TFIP11: variants seen among roughly 807,000 people sequenced by gnomAD.
The protein encoded by TFIP11 is tuftelin interacting protein 11, also known as tuftelin-interacting protein 11.
Under a neutral mutation model 96.8 loss-of-function variants are expected in TFIP11, and 86 were observed. The ratio of observed to expected loss-of-function variants is 0.89; its 90% confidence interval spans 0.75 to 1.06. TFIP11 has a LOEUF of 1.06. Among genes scored for constraint, TFIP11 ranks in the 50% least tolerant of loss-of-function variants. The probability of loss-of-function intolerance (pLI) is 0.00; values close to 1 mark genes in which losing one functional copy is unlikely to be tolerated. For synonymous variants in TFIP11, 405 were observed against 395.2 expected, an observed-to-expected ratio of 1.02 and a Z score of -0.29; for missense variants, 881 against 1,076.7, an observed-to-expected ratio of 0.82 and a Z score of 2.54.
At chr22:26,498,702 T>TA (rs200618512) in intron 10 of TFIP11, 167 bp downstream of exon 10, 9,033 of 466,100 alleles carry the variant, frequency 0.019, no homozygotes, top group Middle Eastern at 0.028. Flanking sequence ...TCAAAAAAAT[T>TA]AAAAAAAAAA....
chr22:26,504,606 A>G (rs886882040), intron 6 of TFIP11, among the ~76,000 whole-genome samples: 5 of 152,140 alleles, frequency 3.3e-5, no homozygotes, highest in African/African-American at 1.2e-4. Context: ...TTGAGGCTGC[A>G]GTGAGCTATG....
Position 26,491,528 on chromosome 22 carries a change from T to TA in TFIP11, c.*484dup, listed in dbSNP as rs1454157287. The TA allele has an allele frequency of 1.9e-6, 3 of 1,614,182 alleles. No homozygotes were observed. The highest frequency in any genetic ancestry group is 1.3e-5 in the African/African-American group (1 of 75,062). ...CACAATACATGGACATATTTAATGA[T>TA]ACCTCTGTCCACTGGTTCCCTGTGC... On this transcript the variant is annotated 3_prime_UTR_variant, in exon 15 of 15. Coordinates refer to ENST00000407690, the MANE Select transcript of TFIP11 (RefSeq NM_012143.4).
chr22:26,499,664 C>T (rs370407561), intron 8 of TFIP11, 33 bp from the exon 9 acceptor site: 120 of 1,570,634 alleles, frequency 7.6e-5, no homozygotes, highest in South Asian at 4.6e-4. Context: ...AGGTTAACAC[C>T]GCTGCAGCCC....
intron 2 of TFIP11, chr22:26,511,614 C>A (rs1202134166): frequency 1.3e-5 from 2 of 152,184 alleles, no homozygotes; most frequent in African/African-American, 4.8e-5. Flanking sequence ...TAAATATGCA[C>A]GTGAAGCGCC....
In TFIP11 at chr22:26,495,491, T is replaced by C. The variant is rs1011899718; in HGVS notation, c.1850-552A>G. 1.4e-4 allele frequency among the ~76,000 whole-genome samples: 21 copies of C among 151,436 alleles called. 1 individual carries two copies. Among genetic ancestry groups the C allele is most frequent in the South Asian group, 4.2e-4 (2 of 4,802 alleles). Reference sequence around the variant, plus strand: ...GGGTTTCACCATGTTGCTCAGGCTGTAATCTGCTTTTAAAGGTCAAATTTA... The same window carrying C: ...GGGTTTCACCATGTTGCTCAGGCTGCAATCTGCTTTTAAAGGTCAAATTTA... On this transcript the variant is annotated intron_variant, in intron 12 of 14. Transcript: ENST00000407690.
In TFIP11 at chr22:26,492,178, C is replaced by T. The variant is rs1032637543; in HGVS notation, c.2349G>A (p.Glu783=). 1.2e-6 allele frequency: 2 copies of T among 1,614,118 alleles called. No individual in the cohort carries two copies. The highest frequency in any genetic ancestry group is 1.3e-5 in the African/African-American group (1 of 74,950). The part of the protein sequence containing the change: ...FKDLIETKAE[E]HNIVFMPVIG... ...TGACGGGCATGAAGACAATGTTGTG[C>T]TCCTCAGCCTTGGTCTCAATGAGGT... Residue 783 remains glutamate (E), a synonymous_variant, in exon 15 of 15, where the codon GAG becomes GAA. Transcript: ENST00000407690.
At position 26,491,384 on chromosome 22, in the gene TFIP11, G is replaced by A. The variant is rs1218550065; in HGVS notation, c.*629C>T. The A allele has an allele frequency of 7.8e-6, 9 of 1,156,968 alleles. No homozygotes were observed. The highest frequency in any genetic ancestry group is 7.0e-5 in the East Asian group (3 of 42,598). The allele number at this position is 1,156,968 out of a possible 1,614,324, so 71.7% of individuals were successfully genotyped here. ...TTAAAAAGTAAAGTGGGGATGACAA[G>A]TAAAGTGGAAATTTATCCCAGAAGA... is the stretch of plus-strand genomic sequence containing the variant. On this transcript the variant is annotated 3_prime_UTR_variant, in exon 15 of 15. Transcript: ENST00000407690.
chr22:26,503,379 T>C (rs1923020528), intron 7 of TFIP11, among the ~76,000 whole-genome samples: 1 of 152,206 alleles, frequency 6.6e-6, no homozygotes. Context: ...GACCAGCCTA[T>C]TTATAAAAGT....
At chr22:26,500,254 C>G (rs188482655) in intron 8 of TFIP11, among the ~76,000 whole-genome samples, 62 of 152,268 alleles carry the variant, frequency 4.1e-4, no homozygotes, top group African/African-American at 1.4e-3. Context: ...ACTGCAAGCT[C>G]CGCCTCCTGG....
At chr22:26,501,105 TCTC>T (rs1429486168) in intron 8 of TFIP11, among the ~76,000 whole-genome samples, 4 of 152,062 alleles carry the variant, frequency 2.6e-5, no homozygotes, top group Non-Finnish European at 5.9e-5. Context: ...ACGGTCTCGA[TCTC>T]CTGACCTTGT....
At chr22:26,502,092 C>T (rs757815045) in intron 7 of TFIP11, 40 bp from the exon 8 acceptor site, 21 of 1,613,162 alleles carry the variant, frequency 1.3e-5, no homozygotes, top group Non-Finnish European at 1.8e-5. Flanking sequence ...CAAGGAACAA[C>T]CACTTTTTAC....
In TFIP11 at chr22:26,494,234, G is replaced by A. The variant is rs149764032; in HGVS notation, c.2063C>T (p.Ser688Leu). The A allele has an allele frequency of 4.3e-6, 7 of 1,614,042 alleles. No individual in the cohort carries two copies. Among genetic ancestry groups the A allele is most frequent in the South Asian group, 1.1e-5 (1 of 91,076 alleles). Residue 688 changes from serine to leucine, a missense_variant, in exon 14 of 15, where the codon TCG becomes TTG. Ser to Leu is a moderately radical substitution (Grantham distance 145, BLOSUM62 -2). Coordinates refer to ENST00000407690, the MANE Select transcript of TFIP11 (RefSeq NM_012143.4). ...EITKWYLGWK[S>L]MFSDQVLAHP... ...TGCCAGCACTTGGTCTGAGAACATCGACTTCCAACCCAGGTACCACTTGGT... is the reference window on the plus strand; with the variant it reads ...TGCCAGCACTTGGTCTGAGAACATCAACTTCCAACCCAGGTACCACTTGGT...
Position 26,499,531 on chromosome 22 carries a change from T to C in TFIP11, c.902A>G (p.Gln301Arg). 1 of 1,614,226 alleles carries C rather than the reference T, an allele frequency of 6.2e-7. No individual in the cohort carries two copies. The highest frequency in any genetic ancestry group is 1.1e-5 in the South Asian group (1 of 91,086). ...VPDDGLPLQS[Q>R]QLPQSGKEAK... ...CTCTTTGCCAGACTGTGGCAGCTGT[T>C]GGGACTGTAGCGGCAGCCCATCATC... The change falls in exon 9 of 15, where the codon CAA (glutamine) becomes CGA (arginine). Residue 301 changes from glutamine to arginine, a missense_variant. Coordinates refer to ENST00000407690, the MANE Select transcript of TFIP11 (RefSeq NM_012143.4).
chr22:26,499,727 T>A, intron 8 of TFIP11, 96 bp from the exon 9 acceptor site: 1 of 1,278,206 alleles, frequency 7.8e-7, no homozygotes, highest in Non-Finnish European at 1.1e-6. Flanking sequence ...GGGAAGTGTG[T>A]AGAAACCACA....
chr22:26,504,959 C>T (rs1200687829), intron 6 of TFIP11, among the ~76,000 whole-genome samples: 1 of 152,020 alleles, frequency 6.6e-6, no homozygotes. Context: ...GCCTGTAATC[C>T]CTGCTACTCG....
chr22:26,495,643 TATATACATGTATATGC>T (rs1921905543), intron 12 of TFIP11, among the ~76,000 whole-genome samples: 1 of 60,804 alleles, frequency 1.6e-5, no homozygotes, highest in Non-Finnish European at 4.1e-5. Flanking sequence ...TACATGTGTA[TATATACATGTATATGC>T]ATGTGTGTAT....
At chr22:26,496,500 C>T in intron 11 of TFIP11, among the ~76,000 whole-genome samples, 184 bp from the exon 12 acceptor site, 1 of 152,108 alleles carries the variant, frequency 6.6e-6, no homozygotes, top group South Asian at 2.1e-4. Context: ...CAGCACAATT[C>T]TAATTTTAGT....
Position 26,506,934 on chromosome 22 carries a change from G to T in TFIP11, c.210-6C>A, listed in dbSNP as rs750681701. On this transcript the variant is annotated splice_region_variant and splice_polypyrimidine_tract_variant and intron_variant, in intron 4 of 14. Coordinates refer to ENST00000407690, the MANE Select transcript of TFIP11 (RefSeq NM_012143.4). ...GCGCAGAGTAGTCACGGGCCCTGTA[G>T]GCACAGAAACAAAGCCCCACCAGGT... 2 of 1,613,376 alleles carry T rather than the reference G, an allele frequency of 1.2e-6. No individual in the cohort carries two copies. The highest frequency in any genetic ancestry group is 2.7e-5 in the African/African-American group (2 of 75,004).
rs901432641 is a variant in TFIP11 at position 26,494,720 on chromosome 22, A to G, written c.1992+77T>C. ...ATTTTCATTATGGAATTGTACCTACAGTCAGGCCTTGGCAGAAAATTAACT... is the reference window on the plus strand; with the variant it reads ...ATTTTCATTATGGAATTGTACCTACGGTCAGGCCTTGGCAGAAAATTAACT... On this transcript the variant is annotated intron_variant, in intron 13 of 14. Coordinates refer to ENST00000407690, the MANE Select transcript of TFIP11 (RefSeq NM_012143.4). 2.8e-5 allele frequency: 44 copies of G among 1,584,632 alleles called. No individual in the cohort carries two copies. The African/African-American group carries it at 5.7e-4, about 20-fold the overall frequency.
Sources: allele counts gnomAD v4.1 joint callset (sites outside exome capture counted in the v4.1 genomes callset), GRCh38; gene constraint gnomAD v4.1.1; transcripts MANE v1.5; gene names NCBI Gene and HGNC (gene_info 2026-07-23, HGNC 2026-07-21).